NFIC: variants seen among roughly 807,000 people sequenced by gnomAD.
NFIC encodes nuclear factor I C.
NFIC carries 12 observed loss-of-function variants against 54.4 expected under a neutral mutation model. That is an observed-to-expected ratio of 0.22 (90% CI 0.14 to 0.36). The LOEUF is 0.36. Among genes scored for constraint, NFIC ranks in the 10% least tolerant of loss-of-function variants. The probability of loss-of-function intolerance (pLI) is 1.00; values close to 1 mark genes in which losing one functional copy is unlikely to be tolerated. For synonymous variants in NFIC, 322 were observed against 319.2 expected, an observed-to-expected ratio of 1.01 and a Z score of -0.09; for missense variants, 575 against 718.2, an observed-to-expected ratio of 0.80 and a Z score of 2.28.
chr19:3,364,880 A>C (rs2080861776), upstream of NFIC, among the ~76,000 whole-genome samples: 1 of 152,172 alleles, frequency 6.6e-6, no homozygotes, highest in Non-Finnish European at 1.5e-5. Context: ...GTTTTAATAA[A>C]ATAAATTGCT....
At position 3,370,083 on chromosome 19, in the gene NFIC, C is replaced by T. The variant is rs1054181494; in HGVS notation, c.30+3417C>T. Among the ~76,000 whole-genome samples, 2 of 152,144 alleles carry T rather than the reference C, an allele frequency of 1.3e-5. No homozygotes were observed. The highest frequency in any genetic ancestry group is 1.9e-4 in the East Asian group (1 of 5,190). On this transcript the variant is annotated intron_variant, in intron 1 of 10. Transcript: ENST00000443272. The surrounding 1 kb of genome is among the most constrained non-coding windows in gnomAD (Gnocchi z 5.2). ...TGGGGGAGGCAGCAGGGCCCAGGCC[C>T]AGTGTAGGTTCTTAGAGGGAGCTTG...
At chr19:3,443,545 C>T (rs1320281576) in intron 6 of NFIC, among the ~76,000 whole-genome samples, 1 of 152,208 alleles carries the variant, frequency 6.6e-6, no homozygotes, top group African/African-American at 2.4e-5. Context: ...TCCTCTCTCC[C>T]TCCCCACTCA....
chr19:3,409,941 C>T (rs2081724771), intron 2 of NFIC, among the ~76,000 whole-genome samples: 1 of 152,302 alleles, frequency 6.6e-6, no homozygotes, highest in African/African-American at 2.4e-5. Context: ...GCTGCGGTGG[C>T]TCGCACCTGT....
intron 1 of NFIC, among the ~76,000 whole-genome samples, chr19:3,380,628 C>CTTTTT (rs1159916071): frequency 1.9e-4 from 18 of 96,102 alleles, no homozygotes; most frequent in Non-Finnish European, 3.2e-4. Flanking sequence ...TGCGCCCAGG[C>CTTTTT]TTTTTTTTTT....
At chr19:3,437,775 T>C (rs902152440) in intron 6 of NFIC, among the ~76,000 whole-genome samples, 2 of 151,138 alleles carry the variant, frequency 1.3e-5, no homozygotes, top group African/African-American at 4.9e-5. Flanking sequence ...ACCTCCTGGG[T>C]TCAAGTGATT....
At chr19:3,415,412 T>C (rs12459554) in intron 2 of NFIC, among the ~76,000 whole-genome samples, 141,734 of 151,864 alleles carry the variant, frequency 0.93, 66,163 homozygotes, top group East Asian at 0.97. Context: ...TGAGCTCTAC[T>C]GCGCCCGGCC....
intron 6 of NFIC, among the ~76,000 whole-genome samples, chr19:3,442,683 A>G (rs767765590): frequency 1.0e-4 from 15 of 148,010 alleles, no homozygotes; most frequent in Non-Finnish European, 1.9e-4. Flanking sequence ...CACCGAGCCC[A>G]GCCCGCCCAT....
At chr19:3,439,170 TAAAAAAAAA>T (rs769503632) in intron 6 of NFIC, among the ~76,000 whole-genome samples, 2 of 131,700 alleles carry the variant, frequency 1.5e-5, no homozygotes, top group Non-Finnish European at 3.3e-5. Context: ...CATCTCTACT[TAAAAAAAAA>T]AAAAAAATAG....
chr19:3,445,504 G>A (rs993597763), intron 6 of NFIC, among the ~76,000 whole-genome samples: 4 of 152,202 alleles, frequency 2.6e-5, no homozygotes, highest in Admixed American at 2.6e-4. Context: ...TGTCCTGGGT[G>A]CCCGCCTCCT....
At position 3,370,595 on chromosome 19, in the gene NFIC, C is replaced by T. The variant is rs1033398946; in HGVS notation, c.30+3929C>T. On this transcript the variant is annotated intron_variant, in intron 1 of 10. Coordinates refer to ENST00000443272, the MANE Select transcript of NFIC (RefSeq NM_001245002.2). The surrounding 1 kb of genome is among the most constrained non-coding windows in gnomAD (Gnocchi z 5.2). ...TTTCCGTCTTTCCCTCTTCCTTTCTCTCTCTCTCCCCGTCTCCCTTCTCTC... is the reference window on the plus strand; with the variant it reads ...TTTCCGTCTTTCCCTCTTCCTTTCTTTCTCTCTCCCCGTCTCCCTTCTCTC... 2.6e-5 allele frequency among the ~76,000 whole-genome samples: 4 copies of T among 151,120 alleles called. No individual in the cohort carries two copies. The highest frequency in any genetic ancestry group is 9.7e-5 in the African/African-American group (4 of 41,042).
At chr19:3,360,850 G>C (rs998308194) in intron 1 of NFIC, among the ~76,000 whole-genome samples, 14 of 152,206 alleles carry the variant, frequency 9.2e-5, no homozygotes, top group African/African-American at 3.1e-4. Flanking sequence ...GTTGGGGGGG[G>C]TCGCCAGGGA....
intron 1 of NFIC, among the ~76,000 whole-genome samples, chr19:3,381,143 C>T (rs917310700): frequency 2.0e-5 from 3 of 152,086 alleles, no homozygotes; most frequent in Non-Finnish European, 4.4e-5. Flanking sequence ...GTCATCCCAG[C>T]ACTTGGGGAG....
chr19:3,398,755 T>C (rs1411028369), intron 2 of NFIC, among the ~76,000 whole-genome samples: 4 of 152,094 alleles, frequency 2.6e-5, no homozygotes, highest in East Asian at 1.9e-4. Flanking sequence ...CGCTGCCTTA[T>C]GTAACCAGTT....
chr19:3,404,144 C>G (rs931292528), intron 2 of NFIC, among the ~76,000 whole-genome samples: 4 of 152,264 alleles, frequency 2.6e-5, no homozygotes, highest in Non-Finnish European at 2.9e-5. Flanking sequence ...TTCTCCCCCC[C>G]CCGTCACAGC....
chr19:3,417,684 GGC>G (rs2081884915), intron 2 of NFIC, among the ~76,000 whole-genome samples: 1 of 146,650 alleles, frequency 6.8e-6, no homozygotes, highest in South Asian at 2.1e-4. Flanking sequence ...GGAGTGCAGT[GGC>G]GCAATCTCGG....
intron 2 of NFIC, among the ~76,000 whole-genome samples, chr19:3,384,011 A>G (rs377003775): frequency 1.3e-5 from 2 of 149,138 alleles, no homozygotes; most frequent in East Asian, 2.0e-4. Context: ...CCCAGGCTCT[A>G]GGGTGTGTGG....
intron 2 of NFIC, among the ~76,000 whole-genome samples, chr19:3,407,936 C>T (rs141631320): frequency 6.6e-6 from 1 of 152,116 alleles, no homozygotes; most frequent in East Asian, 1.9e-4. Context: ...CCAGGTCACT[C>T]GTATATTCCA....
rs1256303525 is a variant in NFIC at position 3,465,156 on chromosome 19, A to G, written c.*2387A>G. 6.7e-6 allele frequency: 1 copy of G among 148,330 alleles called. No individual in the cohort carries two copies. Among genetic ancestry groups the G allele is most frequent in the African/African-American group, 2.5e-5 (1 of 40,164 alleles). 9.2% of individuals were successfully genotyped at this position (148,330 alleles called of 1,614,324 possible). On this transcript the variant is annotated 3_prime_UTR_variant, in exon 11 of 11. Transcript: ENST00000443272. ...TCCACCCCCCACTTCCTCTTTAAAA[A>G]AAAAAAAAAAAAAAAAAAGATACAA...
At chr19:3,364,557 A>G (rs370781118), upstream of NFIC, among the ~76,000 whole-genome samples, 72 of 152,304 alleles carry the variant, frequency 4.7e-4, no homozygotes, top group East Asian at 0.011. Flanking sequence ...ACCGCCACCA[A>G]TAATATTCAC....
Sources: allele counts gnomAD v4.1 joint callset (sites outside exome capture counted in the v4.1 genomes callset), GRCh38; gene constraint gnomAD v4.1.1; non-coding constraint Gnocchi (gnomAD v3.1); transcripts MANE v1.5; gene names NCBI Gene and HGNC (gene_info 2026-07-23, HGNC 2026-07-21).